The following DNAH8 variants were observed in gnomAD, a reference collection of about 807,000 sequenced individuals.
DNAH8 encodes the protein axonemal beta dynein heavy chain 8.
A neutral mutation model predicts 562.1 loss-of-function variants in DNAH8; 382 were observed. The ratio of observed to expected loss-of-function variants is 0.68; its 90% CI spans 0.63 to 0.74. The LOEUF (loss-of-function observed/expected upper bound fraction) is 0.74. Among genes scored for constraint, DNAH8 ranks in the 30% least tolerant of loss-of-function variants. The pLI, the probability that DNAH8 is intolerant of heterozygous loss-of-function variation, is 0.00. For missense variants in DNAH8, 5,203 were observed against 5,620.4 expected, an observed-to-expected ratio of 0.93 and a Z score of 2.37; for synonymous variants, 1,881 against 1,919.4, an observed-to-expected ratio of 0.98 and a Z score of 0.52.
At chr6:39,025,747 T>C (rs986109929) in intron 91 of DNAH8, among the ~76,000 whole-genome samples, 7 of 152,234 alleles carry the variant, frequency 4.6e-5, no homozygotes, top group African/African-American at 1.7e-4. Context: ...TATAAAATTT[T>C]ACTCATTGGA....
At chr6:38,806,173 C>A (rs1212867924) in intron 23 of DNAH8, among the ~76,000 whole-genome samples, 1 of 152,160 alleles carries the variant, frequency 6.6e-6, no homozygotes, top group Non-Finnish European at 1.5e-5. Context: ...CTGAATGTCA[C>A]TGTCACATTT....
intron 77 of DNAH8, 110 bp from the exon 78 acceptor site, chr6:38,937,864 G>C: frequency 1.5e-6 from 2 of 1,308,614 alleles, no homozygotes; most frequent in Non-Finnish European, 2.1e-6. Flanking sequence ...TCCTGACTTT[G>C]GAGACATCAA....
chr6:38,925,693 C>G lies in DNAH8; in HGVS notation c.10963-362C>G, dbSNP rs905756963. 1.2e-4 allele frequency among the ~76,000 whole-genome samples: 19 copies of G among 152,234 alleles called. No individual in the cohort carries two copies. In the Middle Eastern group the frequency reaches 0.014, roughly 109 times the overall value. ...GGGGAAGCTATCAGGGGCTAATTGCCTGGGACTTACCTTGTTCTCTGACAT... is the reference window on the plus strand; with the variant it reads ...GGGGAAGCTATCAGGGGCTAATTGCGTGGGACTTACCTTGTTCTCTGACAT... On this transcript the variant is annotated intron_variant, in intron 73 of 92. Coordinates refer to ENST00000327475, the MANE Select transcript of DNAH8 (RefSeq NM_001206927.2).
chr6:38,804,964 G>A (rs1771138145), intron 22 of DNAH8, among the ~76,000 whole-genome samples: 1 of 151,934 alleles, frequency 6.6e-6, no homozygotes, highest in African/African-American at 2.4e-5. Context: ...GGTGGATAAG[G>A]GCCAGGGATG....
intron 29 of DNAH8, among the ~76,000 whole-genome samples, chr6:38,826,854 G>T (rs955979775): frequency 1.3e-5 from 2 of 152,138 alleles, no homozygotes; most frequent in Non-Finnish European, 2.9e-5. Context: ...TTACATCAAT[G>T]AAAAATGTTT....
At chr6:38,810,366 C>T (rs545434913) in intron 24 of DNAH8, among the ~76,000 whole-genome samples, 5 of 152,076 alleles carry the variant, frequency 3.3e-5, no homozygotes, top group Non-Finnish European at 5.9e-5. Context: ...CCGAGGCAGG[C>T]GAATCACTTG....
intron 22 of DNAH8, among the ~76,000 whole-genome samples, 190 bp downstream of exon 22, chr6:38,803,501 G>A (rs1005531447): frequency 6.6e-6 from 1 of 152,016 alleles, no homozygotes; most frequent in African/African-American, 2.4e-5. Context: ...GTTCGGGAAT[G>A]GTGGGAACCC....
rs1022054130 is a variant in DNAH8 at position 38,894,693 on chromosome 6, A to T, written c.8584-8A>T. 2 of 1,607,980 alleles carry T rather than the reference A, an allele frequency of 1.2e-6. No homozygotes were observed. The highest frequency in any genetic ancestry group is 1.3e-5 in the African/African-American group (1 of 74,620). On this transcript the variant is annotated splice_region_variant and splice_polypyrimidine_tract_variant and intron_variant, in intron 58 of 92. Coordinates refer to ENST00000327475, the MANE Select transcript of DNAH8 (RefSeq NM_001206927.2). ...CTAACTGAGAGTATTACATTTTTTC[A>T]TCTCTAGGTGAAGATGCTGCCAACT...
intron 21 of DNAH8, among the ~76,000 whole-genome samples, chr6:38,797,912 G>A (rs2127667791): frequency 6.6e-6 from 1 of 152,154 alleles, no homozygotes; most frequent in South Asian, 2.1e-4. Context: ...ACTCGCAGCT[G>A]CCACGCCAAT....
At chr6:39,009,556 T>G (rs991423899) in intron 89 of DNAH8, among the ~76,000 whole-genome samples, 5 of 152,182 alleles carry the variant, frequency 3.3e-5, no homozygotes, top group African/African-American at 1.2e-4. Flanking sequence ...TGGGGTGGCA[T>G]GGGACAGTAG....
chr6:38,723,506 C>T (rs766048345), intron 3 of DNAH8, 35 bp downstream of exon 3: 50 of 1,577,666 alleles, frequency 3.2e-5, no homozygotes, highest in South Asian at 2.7e-4. Flanking sequence ...TTTTAATTGC[C>T]CTTTGAGTAA....
At chr6:38,865,408 C>T (rs1776958434) in intron 45 of DNAH8, among the ~76,000 whole-genome samples, 1 of 152,100 alleles carries the variant, frequency 6.6e-6, no homozygotes, top group South Asian at 2.1e-4. Flanking sequence ...TTAACATGCT[C>T]CCTGGATTAA....
At chr6:38,997,939 G>A (rs926194552) in intron 88 of DNAH8, among the ~76,000 whole-genome samples, 2 of 152,108 alleles carry the variant, frequency 1.3e-5, no homozygotes, top group Non-Finnish European at 2.9e-5. Context: ...TGTATTTTTA[G>A]TAGAGACAGG....
chr6:38,737,164 A>T lies in DNAH8; in HGVS notation c.860A>T (p.Asn287Ile), dbSNP rs753423983. 1 of 1,585,232 alleles carries T rather than the reference A, an allele frequency of 6.3e-7. No individual in the cohort carries two copies. Among genetic ancestry groups the T allele is most frequent in the Non-Finnish European group, 8.6e-7 (1 of 1,167,876 alleles). Residue 287 changes from asparagine (N) to isoleucine (I), a missense_variant, in exon 6 of 93, where the codon AAC becomes ATC. Physicochemically the swap from Asn to Ile is moderately radical, Grantham distance 149. Transcript: ENST00000327475. ...NIFLPAVLAT[N>I]NWGALNQSKQ... ...TTTCTACCAGCTGTTCTTGCAACAA[A>T]CAACTGGGGTGCTTTAAACCAGTCC...
At chr6:38,807,573 G>A (rs748941165) in intron 23 of DNAH8, 37 bp from the exon 24 acceptor site, 8 of 1,218,474 alleles carry the variant, frequency 6.6e-6, no homozygotes, top group South Asian at 2.1e-5. Flanking sequence ...GTTTTTTGGA[G>A]GAGAGATACC....
At chr6:38,908,271 A>G (rs909720949) in intron 64 of DNAH8, 151 bp downstream of exon 64, 1 of 458,552 alleles carries the variant, frequency 2.2e-6, no homozygotes, top group Non-Finnish European at 3.7e-6. Context: ...ATCTCCATTG[A>G]CCAAATTCTC....
chr6:38,835,290 C>A (rs1037283037), intron 32 of DNAH8, among the ~76,000 whole-genome samples: 9 of 150,206 alleles, frequency 6.0e-5, no homozygotes, highest in Non-Finnish European at 1.3e-4. Context: ...CTTTTCATGT[C>A]CCCTTTCCCA....
intron 91 of DNAH8, among the ~76,000 whole-genome samples, chr6:39,021,616 T>C (rs1190368411): frequency 6.6e-6 from 1 of 152,236 alleles, no homozygotes; most frequent in Non-Finnish European, 1.5e-5. Flanking sequence ...TTTGGTTTAA[T>C]TTACCAATGA....
At chr6:38,777,512 T>TA (rs1451403020) in intron 13 of DNAH8, among the ~76,000 whole-genome samples, 1 of 152,220 alleles carries the variant, frequency 6.6e-6, no homozygotes, top group Non-Finnish European at 1.5e-5. Flanking sequence ...GATCTATACA[T>TA]ACAAATAATT....
Sources: gnomAD v4.1 joint callset for allele counts (sites outside exome capture counted in the v4.1 genomes callset) on GRCh38, gnomAD v4.1.1 for gene constraint, MANE v1.5 for transcripts, NCBI Gene and HGNC (gene_info 2026-07-23, HGNC 2026-07-21) for gene names.